NDUFV2: variants seen among roughly 807,000 people sequenced by gnomAD.
The protein encoded by NDUFV2 is NADH:ubiquinone oxidoreductase core subunit V2.
NDUFV2 carries 18 observed loss-of-function variants against 31.6 expected under a neutral mutation model. The ratio of observed to expected loss-of-function variants is 0.57; its 90% CI spans 0.39 to 0.84. The LOEUF (loss-of-function observed/expected upper bound fraction) is 0.84, where lower values mean the gene tolerates loss of function less well. Ranked by LOEUF, NDUFV2 falls within the 40% of genes least tolerant of loss-of-function variation. The pLI is 0.00. For synonymous variants in NDUFV2, 83 were observed against 99.8 expected, an observed-to-expected ratio of 0.83 and a Z score of 1.01; for missense variants, 314 against 303.6, an observed-to-expected ratio of 1.03 and a Z score of -0.26.
intron 6 of NDUFV2, 90 bp from the exon 7 acceptor site, chr18:9,126,741 C>A: frequency 8.4e-7 from 1 of 1,189,642 alleles, no homozygotes; most frequent in Non-Finnish European, 1.2e-6. Context: ...TGGAGACCAG[C>A]CTGGGCAACA....
At chr18:9,105,923 C>G (rs953490770) in intron 1 of NDUFV2, among the ~76,000 whole-genome samples, 3 of 151,992 alleles carry the variant, frequency 2.0e-5, no homozygotes, top group African/African-American at 4.8e-5. Context: ...AATGTGTTTT[C>G]CTTTTTTGTT....
chr18:9,103,123 G>C (rs747496887), intron 1 of NDUFV2: 1 of 402,748 alleles, frequency 2.5e-6, no homozygotes, highest in Non-Finnish European at 4.4e-6. Context: ...GGCCAGATCA[G>C]TTTCGAAGAC....
At chr18:9,123,488 T>C (rs2077958229) in intron 5 of NDUFV2, among the ~76,000 whole-genome samples, 1 of 152,192 alleles carries the variant, frequency 6.6e-6, no homozygotes, top group South Asian at 2.1e-4. Context: ...TGCCTCATTT[T>C]TTTTTTCTGT....
intron 2 of NDUFV2, among the ~76,000 whole-genome samples, chr18:9,118,710 C>A (rs1233022377): frequency 6.6e-6 from 1 of 151,622 alleles, no homozygotes; most frequent in African/African-American, 2.4e-5. Context: ...TGTTGACATG[C>A]CATTTCTTGT....
intron 6 of NDUFV2, 103 bp downstream of exon 6, chr18:9,125,086 A>G: frequency 8.0e-7 from 1 of 1,247,630 alleles, no homozygotes; most frequent in Non-Finnish European, 1.1e-6. Context: ...TGAATTACTC[A>G]TTTAGAAGAA....
chr18:9,110,660 A>G (rs1303666349), intron 1 of NDUFV2, among the ~76,000 whole-genome samples: 1 of 152,104 alleles, frequency 6.6e-6, no homozygotes, highest in Non-Finnish European at 1.5e-5. Context: ...GGCATGTGCC[A>G]CCATGCCTGG....
chr18:9,104,820 T>TA (rs1448971545), intron 1 of NDUFV2: 3 of 967,054 alleles, frequency 3.1e-6, no homozygotes, highest in Non-Finnish European at 4.3e-6. Flanking sequence ...ACACACGTCA[T>TA]ACGTGTGTAG....
chr18:9,117,636 T>C (rs1195049841), intron 1 of NDUFV2: 2 of 519,678 alleles, frequency 3.8e-6, no homozygotes, highest in Admixed American at 3.2e-5. Flanking sequence ...TGTGTGATGT[T>C]AGGTGGGTGA....
At position 9,134,321 on chromosome 18, in the gene NDUFV2, T is replaced by C. The variant is rs748826946; in HGVS notation, c.*42T>C. ...AATATGTCACTAGAGAAATAAAATATGGACTTCCAATCTACGTAAACTTAT... is the reference window on the plus strand; with the variant it reads ...AATATGTCACTAGAGAAATAAAATACGGACTTCCAATCTACGTAAACTTAT... On this transcript the variant is annotated 3_prime_UTR_variant, in exon 8 of 8. Coordinates refer to ENST00000318388, the MANE Select transcript of NDUFV2 (RefSeq NM_021074.5). 1.6e-5 allele frequency: 23 copies of C among 1,410,218 alleles called. No homozygotes were observed. In the Admixed American group the frequency reaches 3.4e-4, roughly 21 times the overall value. 87.4% of individuals were successfully genotyped at this position (1,410,218 alleles called of 1,614,324 possible). A position where few individuals can be genotyped will look rare whatever the true frequency, so the allele number is the denominator to read the frequency against.
intron 1 of NDUFV2, among the ~76,000 whole-genome samples, chr18:9,116,339 C>T (rs1454507041): frequency 9.0e-6 from 1 of 111,702 alleles, no homozygotes; most frequent in Non-Finnish European, 1.9e-5. Context: ...AATACTTTCC[C>T]TACTCTTAAA....
intron 1 of NDUFV2, chr18:9,117,465 G>T (rs540446764): frequency 2.0e-5 from 5 of 253,140 alleles, no homozygotes; most frequent in East Asian, 1.8e-4. Flanking sequence ...GTTTATGAAG[G>T]TTCACACTAA....
At chr18:9,122,090 T>C (rs902815742) in intron 4 of NDUFV2, among the ~76,000 whole-genome samples, 2 of 152,180 alleles carry the variant, frequency 1.3e-5, no homozygotes, top group Non-Finnish European at 2.9e-5. Flanking sequence ...AAAAAATTGG[T>C]GAGAGTTTAA....
chr18:9,124,753 T>A (rs1469013261), intron 5 of NDUFV2, 121 bp from the exon 6 acceptor site: 1 of 1,088,626 alleles, frequency 9.2e-7, no homozygotes, highest in Non-Finnish European at 1.3e-6. Context: ...TGGCCTCTTT[T>A]TAAAAAACTT....
intron 1 of NDUFV2, among the ~76,000 whole-genome samples, chr18:9,113,885 C>T (rs747862170): frequency 5.3e-5 from 8 of 152,280 alleles, no homozygotes; most frequent in Middle Eastern, 3.4e-3. Context: ...TGCCGAAGCT[C>T]CCGGCTGAAT....
intron 4 of NDUFV2, among the ~76,000 whole-genome samples, chr18:9,122,003 A>G (rs116093442): frequency 3.9e-5 from 6 of 152,340 alleles, no homozygotes; most frequent in African/African-American, 1.4e-4. Context: ...TTACATATTT[A>G]AAATATGGGC....
intron 5 of NDUFV2, among the ~76,000 whole-genome samples, chr18:9,124,364 C>G (rs59983698): frequency 6.6e-6 from 1 of 151,654 alleles, no homozygotes; most frequent in Non-Finnish European, 1.5e-5. Context: ...CTCAAGCCAT[C>G]CTCGCACCAC....
chr18:9,122,796 C>T, intron 5 of NDUFV2, 115 bp downstream of exon 5: 1 of 990,502 alleles, frequency 1.0e-6, no homozygotes, highest in Non-Finnish European at 1.6e-6. Flanking sequence ...CTGTACTTAC[C>T]TAGTAATATT....
At chr18:9,104,971 A>C in intron 1 of NDUFV2, 1 of 1,556,912 alleles carries the variant, frequency 6.4e-7, no homozygotes, top group South Asian at 1.2e-5. Flanking sequence ...TTTCTACAAA[A>C]ATGGAAAGGT....
At chr18:9,106,719 G>C (rs2077843678) in intron 1 of NDUFV2, among the ~76,000 whole-genome samples, 1 of 152,098 alleles carries the variant, frequency 6.6e-6, no homozygotes, top group African/African-American at 2.4e-5. Flanking sequence ...TTACAGTTCT[G>C]TAGGTTAAAA....
Sources: allele counts gnomAD v4.1 joint callset (sites outside exome capture counted in the v4.1 genomes callset), GRCh38; gene constraint gnomAD v4.1.1; transcripts MANE v1.5; gene names NCBI Gene and HGNC (gene_info 2026-07-23, HGNC 2026-07-21).